The following AGTPBP1 variants were observed in gnomAD, a reference collection of about 807,000 sequenced individuals.
AGTPBP1 encodes the protein cytosolic carboxypeptidase 1.
In AGTPBP1, 70 loss-of-function variants were observed where a neutral mutation model predicts 143.9. That is an observed-to-expected ratio of 0.49 (90% confidence interval 0.40 to 0.59). AGTPBP1 has a LOEUF of 0.59. AGTPBP1 is among the 20% of genes least tolerant of loss of function. The pLI is 0.00. For missense variants in AGTPBP1, 1,229 were observed against 1,464.5 expected (o/e 0.84, Z 2.62); for synonymous variants, 463 against 500.2 (o/e 0.93, Z 0.99).
chr9:85,715,166 G>C (rs568921218), intron 1 of AGTPBP1, among the ~76,000 whole-genome samples: 11 of 151,968 alleles, frequency 7.2e-5, no homozygotes, highest in Admixed American at 7.2e-4. Context: ...AGAATCACTT[G>C]AACTGGGAGG....
chr9:85,773,883 G>A, the AGTPBP1 span: 2 of 1,610,770 alleles, frequency 1.2e-6, no homozygotes, highest in Non-Finnish European at 1.7e-6. Flanking sequence ...ATTATATAAT[G>A]AAGAAATGAA....
chr9:85,571,519 T>C (rs908983301), intron 25 of AGTPBP1, among the ~76,000 whole-genome samples: 1 of 152,090 alleles, frequency 6.6e-6, no homozygotes, highest in African/African-American at 2.4e-5. Flanking sequence ...ATGAATAAAT[T>C]AAAAGTTGGA....
chr9:85,698,837 C>A (rs3929749), intron 2 of AGTPBP1, among the ~76,000 whole-genome samples: 1 of 151,478 alleles, frequency 6.6e-6, no homozygotes, highest in African/African-American at 2.4e-5. Flanking sequence ...GGACTACAGG[C>A]GCCTGCAACC....
intron 12 of AGTPBP1, 156 bp from the exon 13 acceptor site, chr9:85,643,099 T>G (rs932576763): frequency 1.8e-5 from 11 of 599,810 alleles, no homozygotes; most frequent in Middle Eastern, 4.6e-4. Flanking sequence ...AAATTCAAAT[T>G]TGCTTATTGT....
intron 8 of AGTPBP1, among the ~76,000 whole-genome samples, chr9:85,665,542 C>T (rs924855809): frequency 1.3e-5 from 2 of 152,160 alleles, no homozygotes; most frequent in African/African-American, 4.8e-5. Context: ...CATGCAATCA[C>T]TTACAATGAA....
chr9:85,753,971 G>A, the AGTPBP1 span, among the ~76,000 whole-genome samples: 1 of 152,170 alleles, frequency 6.6e-6, no homozygotes, highest in Non-Finnish European at 1.5e-5. Context: ...GTGATGCTAA[G>A]ATTTGGGCTT....
the AGTPBP1 span, among the ~76,000 whole-genome samples, chr9:85,751,119 T>C: frequency 5.3e-5 from 8 of 152,192 alleles, no homozygotes; most frequent in Admixed American, 1.3e-4. Flanking sequence ...TCTCTCCCCA[T>C]TGATACCTTT....
rs774360182 is a variant in AGTPBP1, at chr9:85,633,104, C to T, written c.1573G>A (p.Gly525Ser). The T allele has an allele frequency of 6.2e-7, 1 of 1,613,994 alleles. No homozygotes were observed. Among genetic ancestry groups the T allele is most frequent in the African/African-American group, 1.3e-5 (1 of 74,920 alleles). Residue 525 changes from glycine (G) to serine (S), a missense_variant, in exon 14 of 26, where the codon GGT becomes AGT. Coordinates refer to ENST00000357081, the MANE Select transcript of AGTPBP1 (RefSeq NM_001330701.2). ...DQNRTISSVHGLNNDIVKALD... is the reference protein window; with the variant it reads ...DQNRTISSVHSLNNDIVKALD... ...GCCTTTACAATATCATTGTTTAAAC[C>T]ATGGACTGATGAAATAGTTCTATTT...
At chr9:85,744,984 T>C (rs921439486), upstream of AGTPBP1, among the ~76,000 whole-genome samples, 2 of 152,222 alleles carry the variant, frequency 1.3e-5, no homozygotes, top group African/African-American at 2.4e-5. Flanking sequence ...AAACTAAATG[T>C]GAATGGCTGA....
At position 85,597,126 on chromosome 9, in the gene AGTPBP1, A is replaced by T. The variant is rs547386500; in HGVS notation, c.2336-677T>A. On this transcript the variant is annotated intron_variant, in intron 17 of 25. Transcript: ENST00000357081. ...TAAATTCTAACTTAAGGATAGAGTC[A>T]TTTTTTTTTCCTGGTACAGAATAAT... 1.8e-3 allele frequency among the ~76,000 whole-genome samples: 272 copies of T among 151,214 alleles called. 2 individuals carry two copies. The highest frequency in any genetic ancestry group is 2.9e-3 in the Non-Finnish European group (193 of 67,692).
chr9:85,682,452 A>G (rs967289478), intron 3 of AGTPBP1, among the ~76,000 whole-genome samples: 2 of 152,204 alleles, frequency 1.3e-5, no homozygotes, highest in African/African-American at 4.8e-5. Context: ...CAAACAAGTG[A>G]AAAGACCAGG....
rs972999960 is a variant in AGTPBP1, at chr9:85,741,597, A to C, written c.-34+178T>G. 1.0e-5 allele frequency: 10 copies of C among 985,260 alleles called. No individual in the cohort carries two copies. The African/African-American group carries it at 1.6e-4, about 15-fold the overall frequency. The allele number at this position is 985,260 out of a possible 1,614,324, so 61.0% of individuals were successfully genotyped here. ...CCGTCAGGGCTTTCCCTCAAGACCG[A>C]GTGCGTTCCCCTCACGCGTCACATG... is the stretch of plus-strand genomic sequence containing the variant. On this transcript the variant is annotated intron_variant, in intron 1 of 25. Coordinates refer to ENST00000357081, the MANE Select transcript of AGTPBP1 (RefSeq NM_001330701.2).
chr9:85,686,465 GCA>G (rs1835493948), intron 3 of AGTPBP1, among the ~76,000 whole-genome samples: 1 of 152,078 alleles, frequency 6.6e-6, no homozygotes, highest in Non-Finnish European at 1.5e-5. Context: ...ATCTAAATGT[GCA>G]CAGTTCCCAG....
intron 18 of AGTPBP1, among the ~76,000 whole-genome samples, chr9:85,595,675 C>A (rs751042021): frequency 1.5e-4 from 23 of 152,076 alleles, no homozygotes; most frequent in Non-Finnish European, 2.2e-4. Context: ...TACAGGTGTG[C>A]GCCACAATGC....
At chr9:85,617,219 C>T (rs1830647757) in intron 17 of AGTPBP1, among the ~76,000 whole-genome samples, 1 of 152,054 alleles carries the variant, frequency 6.6e-6, no homozygotes, top group Admixed American at 6.6e-5. Context: ...CTTTTAATAA[C>T]TTAGAGGATT....
rs928290807 is a variant in AGTPBP1, at chr9:85,619,066, A to C, written c.2252T>G (p.Phe751Cys). The C allele has an allele frequency of 6.2e-7, 1 of 1,613,742 alleles. No individual in the cohort carries two copies. The change falls in exon 17 of 26, where the codon TTT (phenylalanine) becomes TGT (cysteine). Residue 751 changes from phenylalanine to cysteine, a missense_variant. By Grantham distance (205) the Phe-to-Cys change is radical. Coordinates refer to ENST00000357081, the MANE Select transcript of AGTPBP1 (RefSeq NM_001330701.2). ...NSNHYHQWFY[F>C]EVSGMRPGVA... ...ACCTGGTCGCATTCCACTGACTTCA[A>C]AGTAAAACCACTGATGATAATGATT...
chr9:85,742,116 C>A (rs994264229), upstream of AGTPBP1: 1 of 934,092 alleles, frequency 1.1e-6, no homozygotes, highest in Non-Finnish European at 1.3e-6. Context: ...TACCTCCGTG[C>A]GCGCTGCGCC....
intron 9 of AGTPBP1, 64 bp from the exon 10 acceptor site, chr9:85,657,707 C>G: frequency 2.5e-6 from 3 of 1,219,038 alleles, no homozygotes; most frequent in Non-Finnish European, 3.4e-6. Context: ...GTAGAATAAT[C>G]AAATTTAAAA....
intron 14 of AGTPBP1, among the ~76,000 whole-genome samples, chr9:85,625,595 T>G (rs623352): frequency 0.34 from 50,660 of 149,494 alleles, 10,060 homozygotes; most frequent in Non-Finnish European, 0.45. Context: ...AAAAATACAG[T>G]TTTTTTTTTG....
Sources: allele counts gnomAD v4.1 joint callset (sites outside exome capture counted in the v4.1 genomes callset), GRCh38; gene constraint gnomAD v4.1.1; transcripts MANE v1.5; gene names NCBI Gene and HGNC (gene_info 2026-07-23, HGNC 2026-07-21).